The following TFEC variants were observed in gnomAD, a reference collection of about 807,000 sequenced individuals.
TFEC encodes the protein transcription factor EC, also known as class E basic helix-loop-helix protein 34.
A neutral mutation model predicts 41.6 loss-of-function variants in TFEC; 31 were observed. The ratio of observed to expected loss-of-function variants is 0.74; its 90% CI spans 0.56 to 1.01. TFEC has a LOEUF of 1.01. TFEC is among the 50% of genes least tolerant of loss of function. The probability of loss-of-function intolerance (pLI) is 0.00; values close to 1 mark genes in which losing one functional copy is unlikely to be tolerated. For synonymous variants in TFEC, 143 were observed against 140.6 expected (o/e 1.02, Z -0.12); for missense variants, 402 against 404.1 (o/e 0.99, Z 0.04).
chr7:115,955,948 T>G (rs990650183), intron 4 of TFEC, among the ~76,000 whole-genome samples: 1 of 151,992 alleles, frequency 6.6e-6, no homozygotes, highest in Non-Finnish European at 1.5e-5. Context: ...ACCAAAAGTT[T>G]ATTGCAGAAA....
At chr7:116,006,098 G>A (rs2130794651) in intron 1 of TFEC, among the ~76,000 whole-genome samples, 1 of 152,348 alleles carries the variant, frequency 6.6e-6, no homozygotes, top group South Asian at 2.1e-4. Context: ...TTGCTGCAGG[G>A]ACAGGGCCCT....
chr7:116,017,256 C>CTGG (rs942929273), intron 1 of TFEC, among the ~76,000 whole-genome samples: 2 of 152,214 alleles, frequency 1.3e-5, no homozygotes, highest in Non-Finnish European at 2.9e-5. Context: ...GAGTCTCGCT[C>CTGG]TGTCACCCAG....
intron 1 of TFEC, among the ~76,000 whole-genome samples, chr7:115,984,938 T>C (rs1793785198): frequency 6.6e-6 from 1 of 152,126 alleles, no homozygotes; most frequent in Non-Finnish European, 1.5e-5. Context: ...CAAAACTTTG[T>C]TCTTAAGAAA....
chr7:115,962,553 T>A (rs1256962209), intron 3 of TFEC, among the ~76,000 whole-genome samples: 1 of 151,758 alleles, frequency 6.6e-6, no homozygotes, highest in Non-Finnish European at 1.5e-5. Context: ...TATGGTCAAA[T>A]GATTTTTGAC....
At chr7:115,941,559 A>C in intron 7 of TFEC, 1 of 293,342 alleles carries the variant, frequency 3.4e-6, no homozygotes. Flanking sequence ...TAATGTGTGC[A>C]TTTATGAAAT....
intron 2 of TFEC, among the ~76,000 whole-genome samples, chr7:115,983,108 T>C (rs978590265): frequency 6.6e-6 from 1 of 151,854 alleles, no homozygotes; most frequent in African/African-American, 2.4e-5. Flanking sequence ...TTATTTCATC[T>C]GATATATATT....
At chr7:116,018,424 C>T (rs539287030) in intron 1 of TFEC, among the ~76,000 whole-genome samples, 1 of 152,088 alleles carries the variant, frequency 6.6e-6, no homozygotes, top group African/African-American at 2.4e-5. Context: ...AATGGAGAAG[C>T]TTTACCAACT....
At chr7:116,125,696 A>G (rs1798195551) in intron 1 of TFEC, among the ~76,000 whole-genome samples, 2 of 152,170 alleles carry the variant, frequency 1.3e-5, no homozygotes, top group Admixed American at 1.3e-4. Flanking sequence ...AATTAAATAT[A>G]AAGAGCTATC....
intron 3 of TFEC, among the ~76,000 whole-genome samples, chr7:116,045,906 G>A (rs1475183016): frequency 6.6e-6 from 1 of 152,204 alleles, no homozygotes; most frequent in African/African-American, 2.4e-5. Flanking sequence ...TGTGAGACCT[G>A]GAGTCAAAGG....
chr7:116,025,642 C>G (rs1212913939), intron 1 of TFEC, among the ~76,000 whole-genome samples: 2 of 152,132 alleles, frequency 1.3e-5, no homozygotes, highest in South Asian at 2.1e-4. Context: ...AAGTTGGTAG[C>G]AAGCTAAAAA....
chr7:115,969,788 T>A (rs1174181046), intron 3 of TFEC, among the ~76,000 whole-genome samples: 1 of 151,902 alleles, frequency 6.6e-6, no homozygotes, highest in East Asian at 1.9e-4. Flanking sequence ...GGAGAGATGA[T>A]GGAACTTGTT....
chr7:115,970,643 GA>G lies in TFEC; in HGVS notation c.267+3526del, dbSNP rs547153912. On this transcript the variant is annotated intron_variant, in intron 3 of 7. Transcript: ENST00000265440. ...CTAGAAGGAGGAGCTATTTAGAGAA[GA>G]AAAGTCCTTTGGAAGGGATCCCAGA... 1.3e-3 allele frequency among the ~76,000 whole-genome samples: 194 copies of G among 152,108 alleles called. 2 individuals are homozygous for G. The highest frequency in any genetic ancestry group is 4.4e-3 in the African/African-American group (182 of 41,526).
In TFEC at chr7:116,136,797, G is replaced by T. The variant is rs369852503; in HGVS notation, c.-69+22993C>A. Among the ~76,000 whole-genome samples, 3 of 152,002 alleles carry T rather than the reference G, an allele frequency of 2.0e-5. No homozygotes were observed. In the East Asian group the frequency reaches 5.8e-4, roughly 29 times the overall value. ...ATAAGAGAAAGGTGTCATTTATGAT[G>T]ATATTATCAGTATTTAATTTTAGTG... On this transcript the variant is annotated intron_variant, in intron 1 of 8. Transcript: ENST00000484212.
At chr7:116,012,667 T>C (rs1795043667) in intron 1 of TFEC, among the ~76,000 whole-genome samples, 1 of 152,102 alleles carries the variant, frequency 6.6e-6, no homozygotes, top group South Asian at 2.1e-4. Context: ...ATATTTATTG[T>C]TGTATTATAT....
At chr7:116,130,603 A>C (rs1305841230) in intron 1 of TFEC, among the ~76,000 whole-genome samples, 1 of 152,076 alleles carries the variant, frequency 6.6e-6, no homozygotes, top group Non-Finnish European at 1.5e-5. Context: ...TTTATTCTGC[A>C]CAATATTTCT....
chr7:116,040,146 G>A (rs1041948603), intron 3 of TFEC, among the ~76,000 whole-genome samples: 5 of 151,982 alleles, frequency 3.3e-5, no homozygotes, highest in African/African-American at 4.8e-5. Flanking sequence ...CATTATGTGG[G>A]AAAAACATAG....
At chr7:116,092,243 A>C in intron 3 of TFEC, among the ~76,000 whole-genome samples, 1 of 152,186 alleles carries the variant, frequency 6.6e-6, no homozygotes, top group East Asian at 1.9e-4. Context: ...AGTGGAAAGA[A>C]TAAATGGCAG....
At position 116,063,436 on chromosome 7, in the gene TFEC, G is replaced by A. The variant is rs10269940; in HGVS notation, c.198+47272C>T. On this transcript the variant is annotated intron_variant, in intron 3 of 8. Coordinates refer to the TFEC transcript ENST00000484212. ...GTTCAAGACTAGCCTGGCCAACATG[G>A]TGAAACCCCCCTCTCCACTAAAAAA... 3.8e-3 allele frequency among the ~76,000 whole-genome samples: 576 copies of A among 152,072 alleles called. 5 individuals carry two copies. Among genetic ancestry groups the A allele is most frequent in the African/African-American group, 0.012 (491 of 41,470 alleles).
chr7:115,955,846 T>C (rs1792196595), intron 4 of TFEC, among the ~76,000 whole-genome samples: 2 of 152,052 alleles, frequency 1.3e-5, no homozygotes, highest in Non-Finnish European at 2.9e-5. Flanking sequence ...CTGAATAATT[T>C]GGATGCATAG....
Sources: gnomAD v4.1 joint callset for allele counts (sites outside exome capture counted in the v4.1 genomes callset) on GRCh38, gnomAD v4.1.1 for gene constraint, MANE v1.5 for transcripts, NCBI Gene and HGNC (gene_info 2026-07-23, HGNC 2026-07-21) for gene names.